ERCC6L2: variants seen among roughly 807,000 people sequenced by gnomAD.
ERCC6L2 encodes the protein DNA excision repair protein ERCC-6-like 2.
ERCC6L2 carries 77 observed loss-of-function variants against 132.0 expected under a neutral mutation model. That is an observed-to-expected ratio of 0.58 (90% confidence interval 0.49 to 0.71). ERCC6L2 has a LOEUF of 0.71. ERCC6L2 is among the 30% of genes least tolerant of loss of function. ERCC6L2 has a pLI of 0.00. For missense variants in ERCC6L2, 1,542 were observed against 1,837.6 expected (o/e 0.84, Z 2.94); for synonymous variants, 583 against 632.4 (o/e 0.92, Z 1.17).
At chr9:95,885,994 C>A (rs1372334028) in intron 2 of ERCC6L2, among the ~76,000 whole-genome samples, 2 of 151,918 alleles carry the variant, frequency 1.3e-5, no homozygotes, top group Admixed American at 6.6e-5. Context: ...GTTTGGTCTA[C>A]GTGAATCTTT....
chr9:95,881,716 A>G (rs975256819), intron 2 of ERCC6L2, among the ~76,000 whole-genome samples: 5 of 152,216 alleles, frequency 3.3e-5, no homozygotes, highest in Non-Finnish European at 4.4e-5. Context: ...GAAGTTTCTT[A>G]ATCTGGAATC....
rs561110026 is a variant in ERCC6L2, at chr9:96,034,831, G to C, written c.*1504-4045G>C. Among the ~76,000 whole-genome samples the C allele has an allele frequency of 1.6e-4, 24 of 152,186 alleles. No individual in the cohort carries two copies. The South Asian group carries it at 5.0e-3, about 32-fold the overall frequency. On this transcript the variant is annotated intron_variant and NMD_transcript_variant, in intron 19 of 20. Coordinates refer to the ERCC6L2 transcript ENST00000670016. ...CCGAGCCTCTCTGTGCTCTTGGAGG[G>C]AGCCAGGAGCAGGCAGGATCTGCCC...
In ERCC6L2 at chr9:96,015,015, G is replaced by GATT. The variant is rs1834149762; in HGVS notation, c.*1812_*1813insATT. Among the ~76,000 whole-genome samples the GATT allele has an allele frequency of 1.5e-5, 1 of 65,426 alleles. No homozygotes were observed. The highest frequency in any genetic ancestry group is 2.6e-5 in the Non-Finnish European group (1 of 37,998). The allele number at this position is 65,426 out of a possible 152,430, so 42.9% of individuals were successfully genotyped here. On this transcript the variant is annotated 3_prime_UTR_variant, in exon 19 of 19. Transcript: ENST00000653738. ...GCTCTATAGTCTTCATATATGTACA[G>GATT]TTTTTTTTTTTTTTTTTTTTTTTTT... is the stretch of plus-strand genomic sequence containing the variant.
intron 14 of ERCC6L2, among the ~76,000 whole-genome samples, 167 bp from the exon 15 acceptor site, chr9:95,970,409 A>C (rs1183544969): frequency 6.6e-6 from 1 of 152,206 alleles, no homozygotes; most frequent in Non-Finnish European, 1.5e-5. Context: ...TTTATATATG[A>C]GTTTCTTAAT....
At chr9:95,983,309 G>A (rs1234463021) in intron 17 of ERCC6L2, among the ~76,000 whole-genome samples, 1 of 152,196 alleles carries the variant, frequency 6.6e-6, no homozygotes, top group African/African-American at 2.4e-5. Flanking sequence ...GACTGGGAAT[G>A]ACAGAAATGA....
At chr9:95,974,824 T>C (rs1832593362) in intron 16 of ERCC6L2, among the ~76,000 whole-genome samples, 1 of 152,108 alleles carries the variant, frequency 6.6e-6, no homozygotes, top group South Asian at 2.1e-4. Flanking sequence ...TGTACACATA[T>C]GTGATGATAA....
At chr9:95,964,837 C>G (rs1167604301) in intron 13 of ERCC6L2, among the ~76,000 whole-genome samples, 1 of 152,072 alleles carries the variant, frequency 6.6e-6, no homozygotes, top group Non-Finnish European at 1.5e-5. Context: ...TCCACTTTTA[C>G]TGGAGCCACT....
intron 13 of ERCC6L2, among the ~76,000 whole-genome samples, chr9:95,963,831 A>C (rs1221307159): frequency 6.6e-6 from 1 of 152,120 alleles, no homozygotes; most frequent in Admixed American, 6.6e-5. Flanking sequence ...CAGGCCAAGC[A>C]GTATTGGCAG....
At chr9:95,908,115 A>G (rs1829167458) in intron 4 of ERCC6L2, among the ~76,000 whole-genome samples, 1 of 152,110 alleles carries the variant, frequency 6.6e-6, no homozygotes, top group Non-Finnish European at 1.5e-5. Flanking sequence ...AGCTGAATGG[A>G]GAAGGACCAA....
At chr9:95,909,574 G>C (rs1230145440) in intron 4 of ERCC6L2, among the ~76,000 whole-genome samples, 1 of 152,158 alleles carries the variant, frequency 6.6e-6, no homozygotes, top group Non-Finnish European at 1.5e-5. Flanking sequence ...TTTTGTGTGT[G>C]TCGCATCTTT....
At chr9:95,883,469 C>T (rs901225044) in intron 2 of ERCC6L2, among the ~76,000 whole-genome samples, 2 of 152,148 alleles carry the variant, frequency 1.3e-5, no homozygotes, top group African/African-American at 2.4e-5. Flanking sequence ...AATTAAAGCC[C>T]TGCTGTAACT....
intron 14 of ERCC6L2, among the ~76,000 whole-genome samples, chr9:95,969,295 A>T (rs1832305607): frequency 6.6e-6 from 1 of 152,190 alleles, no homozygotes; most frequent in Admixed American, 6.5e-5. Flanking sequence ...TATTAGCTTG[A>T]CTTACTATTG....
At chr9:95,887,076 A>G (rs1827911467) in intron 2 of ERCC6L2, among the ~76,000 whole-genome samples, 2 of 152,152 alleles carry the variant, frequency 1.3e-5, no homozygotes, top group Admixed American at 1.3e-4. Flanking sequence ...TAAACTCCTC[A>G]TATATCTCTA....
Position 96,038,797 on chromosome 9 carries a change from G to A in ERCC6L2, c.*1504-79G>A, listed in dbSNP as rs942818491. On this transcript the variant is annotated intron_variant and NMD_transcript_variant, in intron 19 of 20. Transcript: ENST00000670016. ...GGTGGAGTCTAATTCCCCTCATACC[G>A]AATGGGGGCTGGACTTAACGATTTG... 2.1e-4 allele frequency: 96 copies of A among 453,064 alleles called. 2 individuals are homozygous for A. The highest frequency in any genetic ancestry group is 1.1e-3 in the South Asian group (72 of 64,226). The allele number at this position is 453,064 out of a possible 1,614,324, so 28.1% of individuals were successfully genotyped here.
chr9:95,899,636 ATG>A (rs1828666384), intron 3 of ERCC6L2, among the ~76,000 whole-genome samples: 7 of 111,218 alleles, frequency 6.3e-5, no homozygotes, highest in Admixed American at 1.8e-4. Context: ...GTGTGTGCGT[ATG>A]TATGCATATG....
downstream of ERCC6L2, chr9:96,021,008 T>G (rs1450741622): frequency 6.6e-6 from 3 of 456,106 alleles, no homozygotes; most frequent in African/African-American, 6.0e-5. The surrounding 1 kb of genome is among the most constrained non-coding windows in gnomAD (Gnocchi z 4.7). Context: ...GGACCAAAAG[T>G]CCTCAGTGTC....
chr9:95,947,886 A>G (rs1267780012), intron 12 of ERCC6L2, among the ~76,000 whole-genome samples: 1 of 152,212 alleles, frequency 6.6e-6, no homozygotes, highest in African/African-American at 2.4e-5. Flanking sequence ...CTCAGAAAAA[A>G]AAAGATTTCT....
At chr9:95,947,872 A>T (rs748835497) in intron 12 of ERCC6L2, among the ~76,000 whole-genome samples, 12 of 151,986 alleles carry the variant, frequency 7.9e-5, no homozygotes, top group Non-Finnish European at 1.2e-4. Context: ...GTTGAGACCT[A>T]CTGCTCAGAA....
intron 3 of ERCC6L2, among the ~76,000 whole-genome samples, chr9:95,904,393 T>C (rs1316466881): frequency 1.3e-5 from 2 of 152,154 alleles, no homozygotes; most frequent in Non-Finnish European, 2.9e-5. Context: ...CTAGGTACTA[T>C]ATGAAGTACT....
Sources: gnomAD v4.1 joint callset for allele counts (sites outside exome capture counted in the v4.1 genomes callset) on GRCh38, gnomAD v4.1.1 for gene constraint, Gnocchi (gnomAD v3.1) non-coding constraint, MANE v1.5 for transcripts, NCBI Gene and HGNC (gene_info 2026-07-23, HGNC 2026-07-21) for gene names.